The following PPIP5K2 variants were observed in gnomAD, a reference collection of about 807,000 sequenced individuals.
PPIP5K2 encodes the protein diphosphoinositol pentakisphosphate kinase 2.
Under a neutral mutation model 154.6 loss-of-function variants are expected in PPIP5K2, and 105 were observed. The ratio of observed to expected loss-of-function variants is 0.68; its 90% CI spans 0.58 to 0.80. PPIP5K2 has a LOEUF of 0.80. Among genes scored for constraint, PPIP5K2 ranks in the 30% least tolerant of loss-of-function variants. The pLI, the probability that PPIP5K2 is intolerant of heterozygous loss-of-function variation, is 0.00. For synonymous variants in PPIP5K2, 480 were observed against 490.3 expected, an observed-to-expected ratio of 0.98 and a Z score of 0.28; for missense variants, 992 against 1,504.6, an observed-to-expected ratio of 0.66 and a Z score of 5.64.
intron 10 of PPIP5K2, 37 bp downstream of exon 10, chr5:103,152,786 TC>T: frequency 7.4e-7 from 1 of 1,360,306 alleles, no homozygotes; most frequent in East Asian, 2.3e-5. Flanking sequence ...AATTGAGTTT[TC>T]CTTGCCATCT....
Position 103,210,547 on chromosome 5 carries a change from G to A in PPIP5K2, c.*8913G>A, listed in dbSNP as rs1237129455. On this transcript the variant is annotated 3_prime_UTR_variant, in exon 31 of 31. Transcript: ENST00000358359. Reference sequence around the variant, plus strand: ...CTCTACCACTACATGGTAGAGCTATGTAGTGGTAGACTATCTGGGAGACTC... The same window carrying A: ...CTCTACCACTACATGGTAGAGCTATATAGTGGTAGACTATCTGGGAGACTC... 6.6e-6 allele frequency: 1 copy of A among 152,052 alleles called. No homozygotes were observed. The highest frequency in any genetic ancestry group is 1.5e-5 in the Non-Finnish European group (1 of 67,990). The allele number at this position is 152,052 out of a possible 1,614,324, so 9.4% of individuals were successfully genotyped here. A position where few individuals can be genotyped will look rare whatever the true frequency, so the allele number is the denominator to read the frequency against.
chr5:103,173,250 AGAT>A lies in PPIP5K2; in HGVS notation c.2388_2390del (p.Asp797del). The stretch of plus-strand genomic sequence containing the variant: ...TTCGCTCAGACCTTCAGAGGACACA[AGAT>A]GATGACACTGTAAATAAACTTCATC... On this transcript the variant is annotated inframe_deletion, in exon 20 of 31. Coordinates refer to ENST00000358359, the MANE Select transcript of PPIP5K2 (RefSeq NM_001276277.3). The A allele has an allele frequency of 6.2e-7, 1 of 1,611,744 alleles. No individual in the cohort carries two copies. Among genetic ancestry groups the A allele is most frequent in the Non-Finnish European group, 8.5e-7 (1 of 1,178,458 alleles).
chr5:103,146,499 A>G (rs1793782655), intron 5 of PPIP5K2, 28 bp from the exon 6 acceptor site: 1 of 1,598,704 alleles, frequency 6.3e-7, no homozygotes, highest in South Asian at 1.1e-5. Context: ...AATATGTGAT[A>G]TTTCTTGCAA....
chr5:103,150,027 C>T (rs1306727057), intron 8 of PPIP5K2, among the ~76,000 whole-genome samples: 1 of 152,172 alleles, frequency 6.6e-6, no homozygotes, highest in South Asian at 2.1e-4. Context: ...TTTTTTACTT[C>T]TGACATTTGA....
rs184625219 is a variant in PPIP5K2 at position 103,163,751 on chromosome 5, A to C, written c.1921-3428A>C. Among the ~76,000 whole-genome samples the C allele has an allele frequency of 5.9e-5, 9 of 151,964 alleles. No individual in the cohort carries two copies. In the East Asian group the frequency reaches 1.4e-3, roughly 23 times the overall value. On this transcript the variant is annotated intron_variant, in intron 17 of 30. Transcript: ENST00000358359. ...AATTTTATCATATTTTCTTTCATCTATTATATCTTACAGTTTTTTGAATGT... is the reference window on the plus strand; with the variant it reads ...AATTTTATCATATTTTCTTTCATCTCTTATATCTTACAGTTTTTTGAATGT...
intron 30 of PPIP5K2, among the ~76,000 whole-genome samples, chr5:103,199,036 A>G (rs1802559916): frequency 6.6e-6 from 1 of 152,090 alleles, no homozygotes; most frequent in Non-Finnish European, 1.5e-5. Flanking sequence ...AGTAAAATGT[A>G]GAAGCCTTGC....
At chr5:103,157,334 A>G (rs1183597650) in intron 14 of PPIP5K2, among the ~76,000 whole-genome samples, 2 of 152,216 alleles carry the variant, frequency 1.3e-5, no homozygotes, top group Non-Finnish European at 2.9e-5. Flanking sequence ...CAGAGATTCC[A>G]CAATTTCAAA....
intron 19 of PPIP5K2, among the ~76,000 whole-genome samples, chr5:103,169,220 C>T (rs144838557): frequency 4.0e-5 from 6 of 151,770 alleles, no homozygotes; most frequent in Admixed American, 2.6e-4. Context: ...GTTAGAAGAA[C>T]AAAGTTCCAG....
intron 1 of PPIP5K2, among the ~76,000 whole-genome samples, chr5:103,127,946 T>G (rs902057625): frequency 2.6e-5 from 4 of 151,492 alleles, no homozygotes; most frequent in Non-Finnish European, 4.4e-5. Flanking sequence ...TTGTTGTTGT[T>G]TTTTTTTTCA....
chr5:103,174,905 T>C (rs975640555), intron 21 of PPIP5K2, among the ~76,000 whole-genome samples: 1 of 152,094 alleles, frequency 6.6e-6, no homozygotes, highest in Non-Finnish European at 1.5e-5. Context: ...CAGTAATTTG[T>C]ATTCTTCCCA....
Position 103,202,952 on chromosome 5 carries a change from A to G in PPIP5K2, c.*1318A>G, listed in dbSNP as rs935449532. The G allele has an allele frequency of 6.6e-6, 1 of 152,626 alleles. No individual in the cohort carries two copies. The highest frequency in any genetic ancestry group is 6.6e-5 in the Admixed American group (1 of 15,266). The allele number at this position is 152,626 out of a possible 1,614,324, so 9.5% of individuals were successfully genotyped here. ...ACCTTAAATAGTCATATATTAATTA[A>G]CTTATAGGAAATAAGCATACTATAT... is the stretch of plus-strand genomic sequence containing the variant. On this transcript the variant is annotated 3_prime_UTR_variant, in exon 31 of 31. Coordinates refer to ENST00000358359, the MANE Select transcript of PPIP5K2 (RefSeq NM_001276277.3).
chr5:103,199,073 C>T (rs1802563615), intron 30 of PPIP5K2, among the ~76,000 whole-genome samples: 1 of 152,078 alleles, frequency 6.6e-6, no homozygotes, highest in East Asian at 1.9e-4. Context: ...TTACCTTACC[C>T]TCTTCCCATT....
chr5:103,152,628 T>C lies in PPIP5K2; in HGVS notation c.1029-20T>C, dbSNP rs782322816. 2.8e-5 allele frequency: 42 copies of C among 1,490,948 alleles called. No individual in the cohort carries two copies. The highest frequency in any genetic ancestry group is 3.7e-5 in the Non-Finnish European group (40 of 1,071,714). The allele number at this position is 1,490,948 out of a possible 1,614,324, so 92.4% of individuals were successfully genotyped here. A position where few individuals can be genotyped will look rare whatever the true frequency, so the allele number is the denominator to read the frequency against. On this transcript the variant is annotated intron_variant, in intron 9 of 30. Coordinates refer to ENST00000358359, the MANE Select transcript of PPIP5K2 (RefSeq NM_001276277.3). ...TCTTAAAACGTACTAATTTTAAATC[T>C]TTTCTTTTTTGTCTTGAAGAAATAT...
chr5:103,186,510 A>G, intron 27 of PPIP5K2, 71 bp downstream of exon 27: 1 of 1,589,650 alleles, frequency 6.3e-7, no homozygotes, highest in Non-Finnish European at 8.6e-7. Context: ...TATTTCTCAA[A>G]GGCAAATCTA....
Position 103,159,299 on chromosome 5 carries a change from A to G in PPIP5K2, c.1891A>G (p.Arg631Gly). ...GCTTCATGAAATACTTCAGAAAGAC[A>G]GAGATTTTACTGCTGAAGATTATGA... The part of the protein sequence containing the change: ...ARLHEILQKD[R>G]DFTAEDYEKL... The change falls in exon 17 of 31, where the codon AGA (arginine) becomes GGA (glycine). Residue 631 changes from arginine (R) to glycine (G), a missense_variant. Transcript: ENST00000358359. 1.2e-6 allele frequency: 2 copies of G among 1,611,270 alleles called. No individual in the cohort carries two copies. Among genetic ancestry groups the G allele is most frequent in the South Asian group, 1.1e-5 (1 of 90,404 alleles).
At chr5:103,179,493 C>G (rs1465593687) in intron 23 of PPIP5K2, among the ~76,000 whole-genome samples, 3 of 152,056 alleles carry the variant, frequency 2.0e-5, no homozygotes, top group African/African-American at 7.2e-5. Flanking sequence ...TGTCCTAGAA[C>G]AATTCATGGC....
intron 1 of PPIP5K2, among the ~76,000 whole-genome samples, chr5:103,123,237 A>G (rs1789079619): frequency 6.6e-6 from 1 of 152,238 alleles, no homozygotes; most frequent in African/African-American, 2.4e-5. Flanking sequence ...AATATATGAG[A>G]TTCATAATCC....
At chr5:103,125,698 A>G (rs985426521) in intron 1 of PPIP5K2, among the ~76,000 whole-genome samples, 8 of 152,044 alleles carry the variant, frequency 5.3e-5, no homozygotes, top group African/African-American at 1.9e-4. Flanking sequence ...CAGTGGTGCA[A>G]TCCCGGCTTA....
chr5:103,140,960 T>C (rs1174282048), intron 5 of PPIP5K2, among the ~76,000 whole-genome samples: 1 of 151,944 alleles, frequency 6.6e-6, no homozygotes, highest in Non-Finnish European at 1.5e-5. Context: ...TAGGACAGGA[T>C]AGGAAAAAGA....
Sources: allele counts gnomAD v4.1 joint callset (sites outside exome capture counted in the v4.1 genomes callset), GRCh38; gene constraint gnomAD v4.1.1; transcripts MANE v1.5; gene names NCBI Gene and HGNC (gene_info 2026-07-23, HGNC 2026-07-21).